NRN1: variants seen among roughly 807,000 people sequenced by gnomAD.
NRN1 encodes neuritin.
Under a neutral mutation model 15.0 loss-of-function variants are expected in NRN1, and 4 were observed. The ratio of observed to expected loss-of-function variants is 0.27; its 90% confidence interval spans 0.13 to 0.61. The LOEUF (loss-of-function observed/expected upper bound fraction) is 0.61. NRN1 is among the 20% of genes least tolerant of loss of function. The pLI is 0.87. For synonymous variants in NRN1, 85 were observed against 79.8 expected, an observed-to-expected ratio of 1.07 and a Z score of -0.35; for missense variants, 134 against 181.9, an observed-to-expected ratio of 0.74 and a Z score of 1.51.
Position 6,002,244 on chromosome 6 carries a change from C to T in NRN1, c.200+109G>A, listed in dbSNP as rs1347036255. 9 of 1,393,010 alleles carry T rather than the reference C, an allele frequency of 6.5e-6. No homozygotes were observed. In the Admixed American group the frequency reaches 1.3e-4, roughly 20 times the overall value. 86.3% of individuals were successfully genotyped at this position (1,393,010 alleles called of 1,614,324 possible). On this transcript the variant is annotated intron_variant, in intron 2 of 2. Transcript: ENST00000244766. ...GCCAGAAGGCAAGAGTGAGCCGATG[C>T]GGATTCGCGCTGGCGCTGAACGCTG... is the stretch of plus-strand genomic sequence containing the variant.
intron 1 of NRN1, among the ~76,000 whole-genome samples, chr6:6,004,205 C>T (rs1021878197): frequency 3.3e-5 from 5 of 152,208 alleles, no homozygotes; most frequent in African/African-American, 1.2e-4. Flanking sequence ...CCGAGTTCAC[C>T]TTACAGCGAA....
rs776546701 is a variant in NRN1 at position 5,998,959 on chromosome 6, G to A, written c.*17C>T. 1.1e-5 allele frequency: 17 copies of A among 1,588,154 alleles called. No individual in the cohort carries two copies. In the South Asian group the frequency reaches 1.8e-4, roughly 17 times the overall value. ...GAGTGAGTGTGGGTGGGCGCGCGGG[G>A]GGAGCTGGCCCCACGCTCAGAAGGA... On this transcript the variant is annotated 3_prime_UTR_variant, in exon 3 of 3. Coordinates refer to ENST00000244766, the MANE Select transcript of NRN1 (RefSeq NM_016588.3).
At chr6:6,001,096 A>G (rs779458318) in intron 2 of NRN1, among the ~76,000 whole-genome samples, 15 of 152,178 alleles carry the variant, frequency 9.9e-5, no homozygotes, top group Non-Finnish European at 2.1e-4. Context: ...CCCTTTCATG[A>G]TAGGAAAGCA....
At chr6:6,007,327 T>A (rs1758136592), upstream of NRN1, among the ~76,000 whole-genome samples, 1 of 151,820 alleles carries the variant, frequency 6.6e-6, no homozygotes, top group Admixed American at 6.5e-5. Flanking sequence ...CCCACTCGAT[T>A]GTTTCAACCT....
At chr6:6,000,721 T>TC in intron 2 of NRN1, among the ~76,000 whole-genome samples, 1 of 113,496 alleles carries the variant, frequency 8.8e-6, no homozygotes, top group Admixed American at 1.0e-4. Flanking sequence ...CCTAAATTGC[T>TC]CTTTTTTTTT....
chr6:6,003,305 G>A (rs1019467828), intron 1 of NRN1: 2 of 1,200,352 alleles, frequency 1.7e-6, no homozygotes, highest in Admixed American at 4.2e-5. Flanking sequence ...GCCGGGCGGG[G>A]TCACGGATGA....
At chr6:6,002,014 G>A (rs542409327) in intron 2 of NRN1, among the ~76,000 whole-genome samples, 85 of 152,366 alleles carry the variant, frequency 5.6e-4, no homozygotes, top group African/African-American at 2.0e-3. Context: ...GCAGCACCAA[G>A]ATTTTGTAGC....
intron 1 of NRN1, among the ~76,000 whole-genome samples, chr6:6,004,773 G>C (rs568197522): frequency 4.1e-4 from 63 of 152,204 alleles, no homozygotes; most frequent in African/African-American, 9.6e-4. Flanking sequence ...GACTCTAGCG[G>C]GTGACCCTGG....
chr6:6,002,617 C>T, intron 1 of NRN1, 120 bp from the exon 2 acceptor site: 1 of 1,354,620 alleles, frequency 7.4e-7, no homozygotes, highest in East Asian at 2.5e-5. Context: ...TCTCCCAGCG[C>T]CCAGCCTCGG....
At chr6:6,003,501 T>C (rs1382128403) in intron 1 of NRN1, among the ~76,000 whole-genome samples, 3 of 152,158 alleles carry the variant, frequency 2.0e-5, no homozygotes, top group Non-Finnish European at 2.9e-5. Flanking sequence ...GCCCTGCTGC[T>C]GAAAGTGAGC....
intron 1 of NRN1, among the ~76,000 whole-genome samples, chr6:6,005,592 C>A (rs953336440): frequency 6.6e-6 from 1 of 152,152 alleles, no homozygotes; most frequent in Non-Finnish European, 1.5e-5. Flanking sequence ...TTTCTTGCCC[C>A]AAACCAATTA....
Position 5,998,984 on chromosome 6 carries a change from A to G in NRN1, c.421T>C (p.Ser141Pro), listed in dbSNP as rs548296251. The G allele has an allele frequency of 2.7e-5, 43 of 1,610,888 alleles. No individual in the cohort carries two copies. In the African/African-American group the frequency reaches 5.7e-4, roughly 21 times the overall value. ...GGGAGCTGGCCCCACGCTCAGAAGG[A>G]AAGCCAGGTCGCTAAAGCTGCCGAG... ...SLSAALATWL[S>P]F is the part of the protein sequence containing the mutation. Residue 141 changes from serine (S) to proline (P), a missense_variant, in exon 3 of 3, where the codon TCC becomes CCC. By Grantham distance (74) the Ser-to-Pro change is moderately conservative. Transcript: ENST00000244766.
rs767724078 is a variant in NRN1, at chr6:5,999,020, G to A, written c.385C>T (p.Leu129=). Reference sequence around the variant, plus strand: ...GCTAAAGCTGCCGAGAGAGACACCAGGAGCACCGGGAACGCCGGGAGCAGG... The same window carrying A: ...GCTAAAGCTGCCGAGAGAGACACCAAGAGCACCGGGAACGCCGGGAGCAGG... ...GSLLPAFPVL[L]VSLSAALATW... The change falls in exon 3 of 3, where the codon CTG becomes TTG. Residue 129 remains leucine (L), a synonymous_variant. Coordinates refer to ENST00000244766, the MANE Select transcript of NRN1 (RefSeq NM_016588.3). 6.2e-7 allele frequency: 1 copy of A among 1,613,336 alleles called. No individual in the cohort carries two copies. Among genetic ancestry groups the A allele is most frequent in the African/African-American group, 1.3e-5 (1 of 74,934 alleles).
rs1442322387 is a variant in NRN1, at chr6:6,003,977, C to T, written c.56-1480G>A. 6 of 1,219,938 alleles carry T rather than the reference C, an allele frequency of 4.9e-6. No homozygotes were observed. The Admixed American group carries it at 2.2e-4, about 44-fold the overall frequency. The allele number at this position is 1,219,938 out of a possible 1,614,324, so 75.6% of individuals were successfully genotyped here. A position where few individuals can be genotyped will look rare whatever the true frequency, so the allele number is the denominator to read the frequency against. On this transcript the variant is annotated intron_variant, in intron 1 of 2. Coordinates refer to ENST00000244766, the MANE Select transcript of NRN1 (RefSeq NM_016588.3). ...AGGACCGGACACCTCAATCCCCCGG[C>T]CCCCAACGCGGGCGCCTGTCCGCGA... is the stretch of plus-strand genomic sequence containing the variant.
intron 1 of NRN1, chr6:6,003,726 G>A (rs1172761508): frequency 7.9e-5 from 98 of 1,234,180 alleles, no homozygotes; most frequent in Non-Finnish European, 9.5e-5. Flanking sequence ...CGCGGCTGTG[G>A]CCATCTCTTT....
chr6:5,999,412 A>G (rs1328080397), intron 2 of NRN1, among the ~76,000 whole-genome samples: 1 of 152,182 alleles, frequency 6.6e-6, no homozygotes, highest in African/African-American at 2.4e-5. Flanking sequence ...GGCTGTCTAA[A>G]GCGGGGGTGG....
chr6:6,002,503 G>C lies in NRN1; in HGVS notation c.56-6C>G. 1 of 1,612,368 alleles carries C rather than the reference G, an allele frequency of 6.2e-7. No homozygotes were observed. Among genetic ancestry groups the C allele is most frequent in the Non-Finnish European group, 8.5e-7 (1 of 1,179,142 alleles). ...CACGGCCTGCACCAGATACGCTGCG[G>C]GGAGGAGGGAACACCGGTCAGCAGC... On this transcript the variant is annotated splice_polypyrimidine_tract_variant and splice_region_variant and intron_variant, in intron 1 of 2. Transcript: ENST00000244766.
chr6:6,001,838 C>CGA (rs1175251836), intron 2 of NRN1, among the ~76,000 whole-genome samples: 1 of 152,140 alleles, frequency 6.6e-6, no homozygotes, highest in African/African-American at 2.4e-5. Context: ...CGTTTTGTCA[C>CGA]GAGAAATGGA....
intron 1 of NRN1, chr6:6,003,750 G>A (rs1464372362): frequency 2.4e-6 from 3 of 1,234,182 alleles, no homozygotes; most frequent in Non-Finnish European, 3.0e-6. Flanking sequence ...CCCTGAGGCC[G>A]ACGAACCCGG....
Sources: gnomAD v4.1 joint callset for allele counts (sites outside exome capture counted in the v4.1 genomes callset) on GRCh38, gnomAD v4.1.1 for gene constraint, MANE v1.5 for transcripts, NCBI Gene and HGNC (gene_info 2026-07-23, HGNC 2026-07-21) for gene names.